Variants in CX3CL1 observed in about 807,000 individuals in gnomAD.
CX3CL1 encodes fractalkine.
In CX3CL1, 1 loss-of-function variant was observed where a neutral mutation model predicts 14.1. The ratio of observed to expected loss-of-function variants is 0.07; its 90% CI spans 0.03 to 0.34. The LOEUF is 0.34. Ranked by LOEUF, CX3CL1 falls within the 10% of genes least tolerant of loss-of-function variation. CX3CL1 has a pLI of 0.99. For missense variants in CX3CL1, 505 were observed against 536.4 expected (o/e 0.94, Z 0.58); for synonymous variants, 255 against 229.6 (o/e 1.11, Z -1.00).
chr16:57,382,752 G>A lies in CX3CL1; in HGVS notation c.914G>A (p.Gly305Asp), dbSNP rs777497510. 5 of 1,612,038 alleles carry A rather than the reference G, an allele frequency of 3.1e-6. No individual in the cohort carries two copies. The highest frequency in any genetic ancestry group is 4.2e-6 in the Non-Finnish European group (5 of 1,179,694). ...GTPSREPVAS[G>D]SWTPKAEEPI... is the part of the protein sequence containing the mutation. ...CCCAGCAGGGAGCCAGTGGCTTCAGGCAGCTGGACCCCTAAGGCTGAGGAA... is the reference window on the plus strand; with the variant it reads ...CCCAGCAGGGAGCCAGTGGCTTCAGACAGCTGGACCCCTAAGGCTGAGGAA... Residue 305 changes from glycine to aspartate, a missense_variant, in exon 3 of 3, where the codon GGC becomes GAC. Gly to Asp is a moderately conservative substitution (Grantham distance 94, BLOSUM62 -1). Transcript: ENST00000006053. This position sits in a 1 kb window ranked among gnomAD's most constrained non-coding sequence, Gnocchi z 6.9.
At chr16:57,379,881 C>T in intron 2 of CX3CL1, 127 bp downstream of exon 2, 1 of 1,115,192 alleles carries the variant, frequency 9.0e-7, no homozygotes, top group Non-Finnish European at 1.3e-6. Flanking sequence ...TCAGCACACG[C>T]TTCTCTTGCC....
chr16:57,372,787 G>A (rs1333074184), intron 1 of CX3CL1, 149 bp downstream of exon 1: 10 of 722,874 alleles, frequency 1.4e-5, no homozygotes, highest in Non-Finnish European at 2.1e-5. Context: ...GCGAGAGGGG[G>A]CTGGGCACCT....
intron 1 of CX3CL1, among the ~76,000 whole-genome samples, chr16:57,376,215 A>T (rs1260884713): frequency 2.0e-5 from 3 of 152,164 alleles, no homozygotes; most frequent in Non-Finnish European, 2.9e-5. Flanking sequence ...TGTTCATCTC[A>T]CTGTACCTCA....
At chr16:57,377,744 C>T (rs1362125750) in intron 1 of CX3CL1, 1 of 152,162 alleles carries the variant, frequency 6.6e-6, no homozygotes, top group Non-Finnish European at 1.5e-5. Context: ...TCAGCTTGCT[C>T]TCTTGACTGC....
At chr16:57,379,218 C>T (rs111544178) in intron 1 of CX3CL1, 10,035 of 192,074 alleles carry the variant, frequency 0.052, 303 homozygotes, top group Middle Eastern at 0.068. Context: ...CCCAGCTATT[C>T]GGGAGTCTGA....
Position 57,382,377 on chromosome 16 carries a change from C to T in CX3CL1, c.539C>T (p.Pro180Leu), listed in dbSNP as rs374854139. 2 of 1,611,576 alleles carry T rather than the reference C, an allele frequency of 1.2e-6. No individual in the cohort carries two copies. Among genetic ancestry groups the T allele is most frequent in the African/African-American group, 1.3e-5 (1 of 75,044 alleles). ...ACGCCAAAGGCTCAGGATGGAGGGC[C>T]TGTGGGCACGGAGCTTTTCCGAGTG... ...PPTPKAQDGG[P>L]VGTELFRVPP... Residue 180 changes from proline to leucine, a missense_variant, in exon 3 of 3, where the codon CCT (proline) becomes CTT (leucine). Physicochemically the swap from Pro to Leu is moderately conservative, Grantham distance 98 (BLOSUM62 -3). Transcript: ENST00000006053. This position sits in a 1 kb window ranked among gnomAD's most constrained non-coding sequence, Gnocchi z 6.9.
intron 1 of CX3CL1, 97 bp downstream of exon 1, chr16:57,372,735 G>A: frequency 1.6e-6 from 2 of 1,275,740 alleles, no homozygotes; most frequent in African/African-American, 1.5e-5. Flanking sequence ...ACCCTGCCTG[G>A]GTAAAGCTCA....
chr16:57,383,828 G>A lies in CX3CL1; in HGVS notation c.*796G>A, dbSNP rs181673514. The A allele has an allele frequency of 3.2e-3, 485 of 152,682 alleles. 2 individuals are homozygous for A. The highest frequency in any genetic ancestry group is 6.7e-3 in the Admixed American group (103 of 15,312). The allele number at this position is 152,682 out of a possible 1,614,324, so 9.5% of individuals were successfully genotyped here. A position where few individuals can be genotyped will look rare whatever the true frequency, so the allele number is the denominator to read the frequency against. On this transcript the variant is annotated 3_prime_UTR_variant, in exon 3 of 3. Transcript: ENST00000006053. ...CCCTTCTCTCCAGCCCCTGGATGCA[G>A]CCTCACAGTCCTTACCAGCAGAGCA... is the stretch of plus-strand genomic sequence containing the variant.
At chr16:57,381,900 C>A (rs1312167049) in intron 2 of CX3CL1, 130 bp from the exon 3 acceptor site, 16 of 1,006,000 alleles carry the variant, frequency 1.6e-5, no homozygotes, top group Admixed American at 3.0e-5. Flanking sequence ...CTCACAGACG[C>A]TAAGTGGGAG....
At chr16:57,377,247 C>T (rs1902258839) in intron 1 of CX3CL1, 1 of 152,270 alleles carries the variant, frequency 6.6e-6, no homozygotes, top group African/African-American at 2.4e-5. Context: ...CCAAAGAAGA[C>T]ACCTGCAGGC....
In CX3CL1 at chr16:57,383,099, A is replaced by T; in HGVS notation, c.*67A>T. The T allele has an allele frequency of 7.7e-7, 1 of 1,301,496 alleles. No homozygotes were observed. The allele number at this position is 1,301,496 out of a possible 1,614,324, so 80.6% of individuals were successfully genotyped here. A position where few individuals can be genotyped will look rare whatever the true frequency, so the allele number is the denominator to read the frequency against. On this transcript the variant is annotated 3_prime_UTR_variant, in exon 3 of 3. Coordinates refer to ENST00000006053, the MANE Select transcript of CX3CL1 (RefSeq NM_002996.6). The stretch of plus-strand genomic sequence containing the variant: ...CCTGGGATCCCTCATCCTCATACCC[A>T]CCCCCACCCAAGGGCCTGGCCTGAG...
At chr16:57,381,372 T>C (rs1244246748) in intron 2 of CX3CL1, among the ~76,000 whole-genome samples, 26 of 152,122 alleles carry the variant, frequency 1.7e-4, no homozygotes, top group African/African-American at 6.0e-4. Context: ...CCAGTGAGGC[T>C]GCCACATATT....
At chr16:57,372,845 C>A (rs573435924) in intron 1 of CX3CL1, among the ~76,000 whole-genome samples, 87 of 152,284 alleles carry the variant, frequency 5.7e-4, no homozygotes, top group African/African-American at 2.1e-3. Context: ...TGCCAGCGAC[C>A]GCCCTGCCTG....
chr16:57,380,324 G>A (rs768098608), intron 2 of CX3CL1, among the ~76,000 whole-genome samples: 6 of 152,170 alleles, frequency 3.9e-5, no homozygotes, highest in Non-Finnish European at 7.3e-5. Context: ...TTTGAAGGCC[G>A]AGGTTGGTGG....
In CX3CL1 at chr16:57,382,706, C is replaced by A; in HGVS notation, c.868C>A (p.Pro290Thr). The A allele has an allele frequency of 6.2e-7, 1 of 1,612,860 alleles. No homozygotes were observed. The highest frequency in any genetic ancestry group is 2.2e-5 in the East Asian group (1 of 44,862). ...PGSMAHVSVV[P>T]VSSEGTPSRE... ...CAGCATGGCCCACGTCTCTGTGGTC[C>A]CTGTCTCCTCAGAAGGGACCCCCAG... The change falls in exon 3 of 3, where the codon CCT becomes ACT. Residue 290 changes from proline to threonine, a missense_variant. Transcript: ENST00000006053. The surrounding 1 kb of genome is among the most constrained non-coding windows in gnomAD (Gnocchi z 6.9).
chr16:57,372,599 C>T lies in CX3CL1; in HGVS notation c.31C>T (p.Arg11Cys), dbSNP rs758730102. MAPISLSWLL[R>C]LATFCHLTVL... ...TCCGATATCTCTGTCGTGGCTGCTCCGCTTGGCCACCTTCTGCCATCTGAC... is the reference window on the plus strand; with the variant it reads ...TCCGATATCTCTGTCGTGGCTGCTCTGCTTGGCCACCTTCTGCCATCTGAC... Residue 11 changes from arginine (R) to cysteine (C), a missense_variant, in exon 1 of 3, where the codon CGC becomes TGC. Transcript: ENST00000006053. The T allele has an allele frequency of 1.4e-5, 22 of 1,613,362 alleles. No homozygotes were observed. In the East Asian group the frequency reaches 2.9e-4, roughly 21 times the overall value.
At chr16:57,373,195 G>C (rs1438037397) in intron 1 of CX3CL1, among the ~76,000 whole-genome samples, 4 of 152,198 alleles carry the variant, frequency 2.6e-5, no homozygotes, top group African/African-American at 9.7e-5. Context: ...TATAGCCCCA[G>C]TTGCTCTGCC....
Position 57,384,304 on chromosome 16 carries a change from G to C in CX3CL1, c.*1272G>C, listed in dbSNP as rs1180300873. On this transcript the variant is annotated 3_prime_UTR_variant, in exon 3 of 3. Transcript: ENST00000006053. ...TTGTCCCCACCGCAGACAGGACCAGGGATTTCCATGATGTTTTCCATGAGT... is the reference window on the plus strand; with the variant it reads ...TTGTCCCCACCGCAGACAGGACCAGCGATTTCCATGATGTTTTCCATGAGT... The C allele has an allele frequency of 6.6e-6, 1 of 152,366 alleles. No homozygotes were observed. The highest frequency in any genetic ancestry group is 1.5e-5 in the Non-Finnish European group (1 of 68,144). The allele number at this position is 152,366 out of a possible 1,614,324, so 9.4% of individuals were successfully genotyped here.
At position 57,382,375 on chromosome 16, in the gene CX3CL1, G is replaced by A; in HGVS notation, c.537G>A (p.Gly179=). 1.2e-6 allele frequency: 2 copies of A among 1,611,490 alleles called. No individual in the cohort carries two copies. The highest frequency in any genetic ancestry group is 1.7e-6 in the Non-Finnish European group (2 of 1,179,980). The change falls in exon 3 of 3, where the codon GGG becomes GGA. Residue 179 remains glycine, a synonymous_variant. Transcript: ENST00000006053. The surrounding 1 kb of genome is among the most constrained non-coding windows in gnomAD (Gnocchi z 6.9). ...CGACGCCAAAGGCTCAGGATGGAGG[G>A]CCTGTGGGCACGGAGCTTTTCCGAG... is the stretch of plus-strand genomic sequence containing the variant. ...LPPTPKAQDG[G]PVGTELFRVP...
Sources: allele counts gnomAD v4.1 joint callset (sites outside exome capture counted in the v4.1 genomes callset), GRCh38; gene constraint gnomAD v4.1.1; non-coding constraint Gnocchi (gnomAD v3.1); transcripts MANE v1.5; gene names NCBI Gene and HGNC (gene_info 2026-07-23, HGNC 2026-07-21).